NRG1: variants seen among roughly 807,000 people sequenced by gnomAD.
The protein encoded by NRG1 is neuregulin 1.
Under a neutral mutation model 63.8 loss-of-function variants are expected in NRG1, and 18 were observed. The ratio of observed to expected loss-of-function variants is 0.28; its 90% CI spans 0.19 to 0.42. NRG1 has a LOEUF of 0.42. NRG1 is among the 10% of genes least tolerant of loss of function. The pLI is 1.00. For missense variants in NRG1, 762 were observed against 814.7 expected (o/e 0.94, Z 0.79); for synonymous variants, 302 against 301.3 (o/e 1.00, Z -0.02).
At chr8:32,741,817 A>G (rs1256151891) in intron 6 of NRG1, among the ~76,000 whole-genome samples, 191 bp from the exon 7 acceptor site, 1 of 152,174 alleles carries the variant, frequency 6.6e-6, no homozygotes, top group Non-Finnish European at 1.5e-5. Flanking sequence ...GAAGCAAACA[A>G]CAACAAAAAT....
chr8:32,721,833 C>T, intron 5 of NRG1: 1 of 1,371,954 alleles, frequency 7.3e-7, no homozygotes, highest in South Asian at 2.0e-5. Flanking sequence ...GGTGGCACAG[C>T]TCTTTCTGCT....
chr8:32,363,915 C>T lies in NRG1; in HGVS notation c.38-231913C>T, dbSNP rs181748032. Among the ~76,000 whole-genome samples the T allele has an allele frequency of 5.7e-3, 860 of 151,912 alleles. 8 individuals carry two copies. Among genetic ancestry groups the T allele is most frequent in the African/African-American group, 0.019 (795 of 41,446 alleles). ...TTGTGGAACTTTTCTATATTTTGAT[C>T]TTGAAAATTATATAACTATATACTT... On this transcript the variant is annotated intron_variant, in intron 1 of 10. Transcript: ENST00000519301.
chr8:32,404,979 G>A (rs1184118527), intron 1 of NRG1, among the ~76,000 whole-genome samples: 2 of 152,104 alleles, frequency 1.3e-5, no homozygotes, highest in East Asian at 3.9e-4. Flanking sequence ...TGAGCAAAAA[G>A]CTCTTTTCAC....
intron 1 of NRG1, among the ~76,000 whole-genome samples, chr8:31,973,491 C>G (rs1351630068): frequency 6.6e-6 from 1 of 152,126 alleles, no homozygotes; most frequent in Non-Finnish European, 1.5e-5. Flanking sequence ...TAGTCCAGCT[C>G]TCTTACAGAA....
intron 1 of NRG1, among the ~76,000 whole-genome samples, chr8:32,590,765 C>T (rs983008771): frequency 6.6e-6 from 1 of 151,956 alleles, no homozygotes; most frequent in Admixed American, 6.6e-5. Flanking sequence ...TATATAATCT[C>T]TGACAAAAAG....
chr8:31,641,765 G>A (rs1197488090), intron 1 of NRG1: 2 of 152,002 alleles, frequency 1.3e-5, no homozygotes, highest in Non-Finnish European at 2.9e-5. Flanking sequence ...TTTCCCCCTG[G>A]TCTTTATGTA....
At chr8:31,793,399 G>C (rs1383548694) in intron 1 of NRG1, among the ~76,000 whole-genome samples, 2 of 152,174 alleles carry the variant, frequency 1.3e-5, no homozygotes, top group Admixed American at 1.3e-4. Context: ...CTGCTGAATT[G>C]AAAAGGGGCT....
At chr8:31,656,325 CA>C (rs1357699501) in intron 1 of NRG1, among the ~76,000 whole-genome samples, 1 of 152,126 alleles carries the variant, frequency 6.6e-6, no homozygotes, top group Non-Finnish European at 1.5e-5. Context: ...AGACAGAGCC[CA>C]AACCAGGACT....
At chr8:32,380,496 C>A (rs1810211933) in intron 1 of NRG1, among the ~76,000 whole-genome samples, 1 of 152,118 alleles carries the variant, frequency 6.6e-6, no homozygotes, top group Non-Finnish European at 1.5e-5. Context: ...CAACACCCAA[C>A]CACCACCTTG....
intron 1 of NRG1, among the ~76,000 whole-genome samples, chr8:32,354,381 C>CAAA (rs201902687): frequency 5.4e-5 from 5 of 92,512 alleles, no homozygotes; most frequent in African/African-American, 1.7e-4. Flanking sequence ...AAAACAACAA[C>CAAA]AACAAAAAGT....
At position 31,997,192 on chromosome 8, in the gene NRG1, T is replaced by C. The variant is rs567297415; in HGVS notation, c.37+357761T>C. The stretch of plus-strand genomic sequence containing the variant: ...ATACTATATAGTGTAACCTTTTTTT[T>C]TTTTTTTTTTACTATGAAGGCATTA... On this transcript the variant is annotated intron_variant, in intron 1 of 10. Coordinates refer to the NRG1 transcript ENST00000519301. 4.8e-3 allele frequency among the ~76,000 whole-genome samples: 722 copies of C among 151,722 alleles called. 5 individuals are homozygous for C. Among genetic ancestry groups the C allele is most frequent in the Non-Finnish European group, 6.8e-3 (461 of 67,842 alleles).
intron 1 of NRG1, among the ~76,000 whole-genome samples, chr8:32,095,761 G>T (rs567970541): frequency 2.6e-5 from 4 of 151,954 alleles, no homozygotes; most frequent in Admixed American, 1.3e-4. Context: ...TACAAATATC[G>T]ACTCAGTACA....
chr8:32,206,787 A>C (rs758613449), intron 1 of NRG1, among the ~76,000 whole-genome samples: 1 of 152,130 alleles, frequency 6.6e-6, no homozygotes, highest in Non-Finnish European at 1.5e-5. Context: ...TCCCTTTCCC[A>C]CAACCTCCAC....
intron 5 of NRG1, among the ~76,000 whole-genome samples, chr8:32,641,454 A>T (rs1446348009): frequency 6.6e-6 from 1 of 152,162 alleles, no homozygotes; most frequent in African/African-American, 2.4e-5. Flanking sequence ...ATGACCAATA[A>T]ACTGTGTTTG....
intron 1 of NRG1, among the ~76,000 whole-genome samples, chr8:31,840,035 T>C (rs949873952): frequency 3.3e-5 from 5 of 152,180 alleles, no homozygotes; most frequent in Non-Finnish European, 5.9e-5. Flanking sequence ...CTAAACCAAA[T>C]GTTCTGAGCG....
At chr8:32,485,698 A>G (rs1825818452) in intron 1 of NRG1, among the ~76,000 whole-genome samples, 1 of 152,186 alleles carries the variant, frequency 6.6e-6, no homozygotes, top group Non-Finnish European at 1.5e-5. Context: ...ACAAGTAAAC[A>G]ATTGTCAGAA....
chr8:32,376,944 A>G (rs1213243948), intron 1 of NRG1, among the ~76,000 whole-genome samples: 1 of 152,244 alleles, frequency 6.6e-6, no homozygotes, highest in Non-Finnish European at 1.5e-5. Context: ...TTCTAAAATT[A>G]ATTTTGAAAG....
At chr8:32,555,414 G>A (rs947995848) in intron 1 of NRG1, among the ~76,000 whole-genome samples, 4 of 152,212 alleles carry the variant, frequency 2.6e-5, no homozygotes, top group Non-Finnish European at 4.4e-5. Context: ...CTTTGATTGA[G>A]TGCACATTTT....
At chr8:32,168,773 G>A (rs1407422202) in intron 1 of NRG1, among the ~76,000 whole-genome samples, 2 of 152,094 alleles carry the variant, frequency 1.3e-5, no homozygotes, top group Non-Finnish European at 2.9e-5. Context: ...TATCAACAAG[G>A]CCTTTGTTGA....
Sources: allele counts gnomAD v4.1 joint callset (sites outside exome capture counted in the v4.1 genomes callset), GRCh38; gene constraint gnomAD v4.1.1; transcripts MANE v1.5; gene names NCBI Gene and HGNC (gene_info 2026-07-23, HGNC 2026-07-21).